Variants in PLCXD3 observed in about 807,000 individuals in gnomAD.
The protein encoded by PLCXD3 is phosphatidylinositol specific phospholipase C X domain containing 3.
A neutral mutation model predicts 25.5 loss-of-function variants in PLCXD3; 19 were observed. The ratio of observed to expected loss-of-function variants is 0.75; its 90% CI spans 0.52 to 1.09. The LOEUF is 1.09. Among genes scored for constraint, PLCXD3 ranks in the 50% least tolerant of loss-of-function variants. PLCXD3 has a pLI of 0.00. For missense variants in PLCXD3, 411 were observed against 388.1 expected, an observed-to-expected ratio of 1.06 and a Z score of -0.50; for synonymous variants, 174 against 137.6, an observed-to-expected ratio of 1.26 and a Z score of -1.85.
chr5:41,349,555 C>G (rs1336743065), intron 2 of PLCXD3, among the ~76,000 whole-genome samples: 3 of 152,208 alleles, frequency 2.0e-5, no homozygotes, highest in African/African-American at 4.8e-5. Context: ...GCACATCCCA[C>G]TTCATGCAGG....
At chr5:41,428,658 A>G (rs1172981904) in intron 1 of PLCXD3, among the ~76,000 whole-genome samples, 2 of 152,074 alleles carry the variant, frequency 1.3e-5, no homozygotes, top group Non-Finnish European at 2.9e-5. Context: ...CAGCCCTAGC[A>G]CACTAATAGT....
chr5:41,403,398 G>GGTTTTTTTTTTTTTTTT (rs1746247547), intron 1 of PLCXD3, among the ~76,000 whole-genome samples: 1 of 33,998 alleles, frequency 2.9e-5, no homozygotes, highest in Non-Finnish European at 6.5e-5. Flanking sequence ...TGACTTATTT[G>GGTTTTTTTTTTTTTTTT]TTGTTTTTTT....
At chr5:41,386,846 C>T (rs1429134695) in intron 1 of PLCXD3, among the ~76,000 whole-genome samples, 2 of 151,844 alleles carry the variant, frequency 1.3e-5, no homozygotes, top group African/African-American at 2.4e-5. Flanking sequence ...ATATAGTTGC[C>T]ATTGCCTCCC....
At chr5:41,451,612 G>T (rs1252605310) in intron 1 of PLCXD3, among the ~76,000 whole-genome samples, 2 of 151,514 alleles carry the variant, frequency 1.3e-5, no homozygotes, top group Non-Finnish European at 2.9e-5. Flanking sequence ...TGATTATTTT[G>T]TCTGGTAGAT....
intron 1 of PLCXD3, among the ~76,000 whole-genome samples, chr5:41,456,384 A>G (rs1747753713): frequency 6.6e-6 from 1 of 151,976 alleles, no homozygotes; most frequent in Non-Finnish European, 1.5e-5. Context: ...GTTACAAAAC[A>G]TTCTGTGTTC....
At position 41,377,938 on chromosome 5, in the gene PLCXD3, G is replaced by A. The variant is rs116957315; in HGVS notation, c.812+3888C>T. On this transcript the variant is annotated intron_variant, in intron 2 of 2. Coordinates refer to ENST00000377801, the MANE Select transcript of PLCXD3 (RefSeq NM_001005473.3). The stretch of plus-strand genomic sequence containing the variant: ...CAGATGAAAATATGTAAGGCCCAGA[G>A]CAGTCTTATAATTGCCTGGTAACTT... Among the ~76,000 whole-genome samples the A allele has an allele frequency of 3.7e-4, 57 of 152,204 alleles. No homozygotes were observed. In the East Asian group the frequency reaches 7.4e-3, roughly 20 times the overall value.
At chr5:41,416,265 G>A (rs1337129731) in intron 1 of PLCXD3, among the ~76,000 whole-genome samples, 2 of 152,176 alleles carry the variant, frequency 1.3e-5, no homozygotes, top group African/African-American at 2.4e-5. Context: ...AGGAAAAAGC[G>A]ACAGTATCTA....
intron 2 of PLCXD3, among the ~76,000 whole-genome samples, chr5:41,344,588 T>A (rs1367924717): frequency 6.6e-6 from 1 of 152,104 alleles, no homozygotes; most frequent in Non-Finnish European, 1.5e-5. Flanking sequence ...TTGTTTTAGA[T>A]AAGAAATATA....
chr5:41,334,484 A>G (rs1246956876), intron 2 of PLCXD3, among the ~76,000 whole-genome samples: 2 of 152,122 alleles, frequency 1.3e-5, no homozygotes, highest in Non-Finnish European at 2.9e-5. Flanking sequence ...CCTCACCCTC[A>G]TCCTAACGAC....
intron 1 of PLCXD3, among the ~76,000 whole-genome samples, chr5:41,434,088 C>T (rs1179258831): frequency 6.6e-6 from 1 of 152,184 alleles, no homozygotes; most frequent in Admixed American, 6.5e-5. Flanking sequence ...GCAGGAAATG[C>T]CCACACAGCT....
At chr5:41,360,918 G>A (rs985972144) in intron 2 of PLCXD3, among the ~76,000 whole-genome samples, 2 of 152,294 alleles carry the variant, frequency 1.3e-5, no homozygotes, top group South Asian at 2.1e-4. Flanking sequence ...GGGGATACCT[G>A]GTTAAGTATT....
At chr5:41,376,324 C>T (rs1385668975) in intron 2 of PLCXD3, among the ~76,000 whole-genome samples, 2 of 152,142 alleles carry the variant, frequency 1.3e-5, no homozygotes, top group East Asian at 1.9e-4. Flanking sequence ...GCATGCCACT[C>T]TGTTTCCCCC....
chr5:41,312,784 G>T lies in PLCXD3; in HGVS notation c.*833C>A, dbSNP rs572613167. On this transcript the variant is annotated 3_prime_UTR_variant, in exon 3 of 3. Coordinates refer to ENST00000377801, the MANE Select transcript of PLCXD3 (RefSeq NM_001005473.3). ...CATCATTAAGAGGGCTTTTTAAAGAGTTATTTTCAGAGTTTTCAATTTTAA... is the reference window on the plus strand; with the variant it reads ...CATCATTAAGAGGGCTTTTTAAAGATTTATTTTCAGAGTTTTCAATTTTAA... The T allele has an allele frequency of 1.4e-5, 2 of 146,470 alleles. No individual in the cohort carries two copies. The highest frequency in any genetic ancestry group is 4.1e-4 in the East Asian group (2 of 4,884). The allele number at this position is 146,470 out of a possible 1,614,324, so 9.1% of individuals were successfully genotyped here.
chr5:41,402,073 G>A (rs1746202589), intron 1 of PLCXD3, among the ~76,000 whole-genome samples: 2 of 151,790 alleles, frequency 1.3e-5, no homozygotes, highest in South Asian at 4.2e-4. Context: ...TTTCTGCTAT[G>A]TATTTTCCTT....
chr5:41,329,637 T>C (rs1206005434), intron 2 of PLCXD3, among the ~76,000 whole-genome samples: 2 of 151,956 alleles, frequency 1.3e-5, no homozygotes, highest in African/African-American at 4.8e-5. Context: ...TTTTACAAAT[T>C]TTCAAATTGA....
chr5:41,474,409 C>T (rs970251204), intron 1 of PLCXD3, among the ~76,000 whole-genome samples: 1 of 152,188 alleles, frequency 6.6e-6, no homozygotes, highest in Admixed American at 6.5e-5. Flanking sequence ...AAACAGTTTG[C>T]TGTTTACTCA....
intron 1 of PLCXD3, among the ~76,000 whole-genome samples, chr5:41,456,101 G>A (rs1471504768): frequency 6.6e-6 from 1 of 151,936 alleles, no homozygotes; most frequent in African/African-American, 2.4e-5. Flanking sequence ...AAGGGAACTG[G>A]TAATGAGGAG....
intron 1 of PLCXD3, among the ~76,000 whole-genome samples, chr5:41,397,787 A>C (rs1364318326): frequency 3.3e-5 from 5 of 152,336 alleles, no homozygotes; most frequent in Middle Eastern, 6.8e-3. Flanking sequence ...CATCCTTTGC[A>C]TCAGTGCGGC....
At chr5:41,456,816 C>T (rs1190227235) in intron 1 of PLCXD3, among the ~76,000 whole-genome samples, 1 of 151,876 alleles carries the variant, frequency 6.6e-6, no homozygotes, top group South Asian at 2.1e-4. Flanking sequence ...TCACCAAACA[C>T]CAAATCTGCC....
Sources: gnomAD v4.1 joint callset for allele counts (sites outside exome capture counted in the v4.1 genomes callset) on GRCh38, gnomAD v4.1.1 for gene constraint, MANE v1.5 for transcripts, NCBI Gene and HGNC (gene_info 2026-07-23, HGNC 2026-07-21) for gene names.